The following GALNT13 variants were observed in gnomAD, a reference collection of about 807,000 sequenced individuals.
GALNT13 encodes the protein UDP-GalNAc:polypeptide N-acetylgalactosaminyltransferase 13.
In GALNT13, 28 loss-of-function variants were observed where a neutral mutation model predicts 64.2. The ratio of observed to expected loss-of-function variants is 0.44; its 90% CI spans 0.32 to 0.60. The LOEUF (loss-of-function observed/expected upper bound fraction) is 0.60. GALNT13 is among the 20% of genes least tolerant of loss of function. The pLI, the probability that GALNT13 is intolerant of heterozygous loss-of-function variation, is 0.05. For missense variants in GALNT13, 577 were observed against 669.8 expected, an observed-to-expected ratio of 0.86 and a Z score of 1.53; for synonymous variants, 214 against 224.6, an observed-to-expected ratio of 0.95 and a Z score of 0.42.
At chr2:153,074,788 G>A in the GALNT13 span, among the ~76,000 whole-genome samples, 1 of 152,294 alleles carries the variant, frequency 6.6e-6, no homozygotes, top group East Asian at 1.9e-4. Context: ...CACCCAGAGT[G>A]CAGTGACACG....
the GALNT13 span, among the ~76,000 whole-genome samples, chr2:153,134,219 G>A: frequency 6.6e-6 from 1 of 151,864 alleles, no homozygotes; most frequent in Admixed American, 6.6e-5. Flanking sequence ...AGCATCCAAT[G>A]TCTCTTACTT....
the GALNT13 span, among the ~76,000 whole-genome samples, chr2:153,783,005 G>A: frequency 3.4e-4 from 51 of 152,102 alleles, no homozygotes; most frequent in African/African-American, 1.1e-3. Context: ...CAGACATACC[G>A]GAAACAGGTA....
At chr2:154,229,735 A>G (rs139035442) in intron 4 of GALNT13, among the ~76,000 whole-genome samples, 142 of 152,212 alleles carry the variant, frequency 9.3e-4, no homozygotes, top group African/African-American at 3.3e-3. Flanking sequence ...TACAGCTAGA[A>G]AGAGTTAAAA....
chr2:153,880,738 T>C (rs1287074571), intron 1 of GALNT13, among the ~76,000 whole-genome samples: 4 of 152,186 alleles, frequency 2.6e-5, no homozygotes, highest in Non-Finnish European at 5.9e-5. Context: ...TTTATTCATA[T>C]GTTATAGATT....
chr2:153,667,075 G>GA, the GALNT13 span, among the ~76,000 whole-genome samples: 1 of 151,392 alleles, frequency 6.6e-6, no homozygotes, highest in Non-Finnish European at 1.5e-5. Context: ...ACTTCAGTCA[G>GA]AAAAAAATAA....
At chr2:153,823,664 C>A in the GALNT13 span, among the ~76,000 whole-genome samples, 1 of 152,194 alleles carries the variant, frequency 6.6e-6, no homozygotes, top group Non-Finnish European at 1.5e-5. Flanking sequence ...ACTGTAAAAA[C>A]ATTTTGAGAA....
intron 2 of GALNT13, among the ~76,000 whole-genome samples, chr2:153,918,231 T>A (rs11692421): frequency 3.9e-5 from 6 of 151,952 alleles, no homozygotes; most frequent in African/African-American, 1.5e-4. Context: ...AAAAATATCT[T>A]TCTACCACTT....
chr2:153,652,059 A>G, the GALNT13 span, among the ~76,000 whole-genome samples: 1 of 152,174 alleles, frequency 6.6e-6, no homozygotes, highest in Admixed American at 6.6e-5. Context: ...AAGAGTTATC[A>G]TCATTTCAAA....
chr2:153,515,969 C>G, the GALNT13 span, among the ~76,000 whole-genome samples: 1 of 152,104 alleles, frequency 6.6e-6, no homozygotes, highest in Non-Finnish European at 1.5e-5. Flanking sequence ...ATGACAGCAA[C>G]TGAATGTTTA....
chr2:153,461,048 T>C, the GALNT13 span, among the ~76,000 whole-genome samples: 6 of 152,144 alleles, frequency 3.9e-5, no homozygotes, highest in African/African-American at 9.7e-5. Flanking sequence ...TTGCAATATT[T>C]AGTAATATTT....
At chr2:153,235,486 G>A in the GALNT13 span, among the ~76,000 whole-genome samples, 28 of 152,244 alleles carry the variant, frequency 1.8e-4, no homozygotes, top group South Asian at 4.4e-3. Flanking sequence ...TGGGTGGTCT[G>A]CTGGCAGCAC....
the GALNT13 span, among the ~76,000 whole-genome samples, chr2:153,643,641 G>A: frequency 1.3e-5 from 2 of 151,488 alleles, no homozygotes; most frequent in African/African-American, 2.4e-5. Context: ...ATCTAATAAC[G>A]GTTAGAAAAA....
the GALNT13 span, among the ~76,000 whole-genome samples, chr2:153,256,853 A>G: frequency 6.6e-6 from 1 of 152,186 alleles, no homozygotes; most frequent in African/African-American, 2.4e-5. Flanking sequence ...TGCTCTCTTC[A>G]AAGCTGTCAG....
chr2:153,119,496 G>A, the GALNT13 span, among the ~76,000 whole-genome samples: 1 of 152,122 alleles, frequency 6.6e-6, no homozygotes, highest in Non-Finnish European at 1.5e-5. Context: ...TGTCCACCAT[G>A]ACCGCAATAT....
chr2:154,281,792 T>C (rs563542285), intron 8 of GALNT13, among the ~76,000 whole-genome samples: 4 of 152,242 alleles, frequency 2.6e-5, no homozygotes, highest in Non-Finnish European at 5.9e-5. Context: ...TCTTTCACTC[T>C]ACTTTTTCCT....
chr2:153,366,034 A>G, the GALNT13 span, among the ~76,000 whole-genome samples: 1 of 152,194 alleles, frequency 6.6e-6, no homozygotes, highest in Admixed American at 6.5e-5. Context: ...AATGTTATAC[A>G]TGTACACCAT....
chr2:154,384,791 T>A (rs933165403), intron 9 of GALNT13, among the ~76,000 whole-genome samples: 12 of 151,954 alleles, frequency 7.9e-5, no homozygotes, highest in African/African-American at 2.2e-4. Flanking sequence ...AAATCATGAT[T>A]CAGTATTATG....
chr2:154,006,824 T>C (rs1348990208), intron 3 of GALNT13, among the ~76,000 whole-genome samples: 4 of 152,164 alleles, frequency 2.6e-5, no homozygotes, highest in Non-Finnish European at 5.9e-5. Flanking sequence ...AAGCTTTCAA[T>C]TGATACCACT....
At chr2:154,066,269 C>G (rs1184957417) in intron 3 of GALNT13, among the ~76,000 whole-genome samples, 1 of 151,860 alleles carries the variant, frequency 6.6e-6, no homozygotes, top group African/African-American at 2.4e-5. Flanking sequence ...CAGTTATTGG[C>G]ATTAAAGAGA....
Sources: allele counts gnomAD v4.1 joint callset (sites outside exome capture counted in the v4.1 genomes callset), GRCh38; gene constraint gnomAD v4.1.1; transcripts MANE v1.5; gene names NCBI Gene and HGNC (gene_info 2026-07-23, HGNC 2026-07-21).